Variants in C1QTNF9 observed in about 807,000 individuals in gnomAD.
C1QTNF9 encodes the protein complement C1q and tumor necrosis factor-related protein 9A.
A neutral mutation model predicts 10.1 loss-of-function variants in C1QTNF9; 6 were observed. The ratio of observed to expected loss-of-function variants is 0.59; its 90% CI spans 0.32 to 1.17. C1QTNF9 has a LOEUF of 1.17. Ranked by LOEUF, C1QTNF9 falls within the 50% of genes most tolerant of loss-of-function variation. The pLI, the probability that C1QTNF9 is intolerant of heterozygous loss-of-function variation, is 0.04. For synonymous variants in C1QTNF9, 98 were observed against 163.5 expected, an observed-to-expected ratio of 0.60 and a Z score of 3.06; for missense variants, 201 against 418.8, an observed-to-expected ratio of 0.48 and a Z score of 4.54.
chr13:24,319,454 G>C (rs1001358065), intron 3 of C1QTNF9, among the ~76,000 whole-genome samples: 3 of 152,112 alleles, frequency 2.0e-5, no homozygotes, highest in Non-Finnish European at 2.9e-5. Flanking sequence ...TGGGAGGATC[G>C]CTTGAGCCTG....
Position 24,318,579 on chromosome 13 carries a change from G to A in C1QTNF9, c.167-239G>A, listed in dbSNP as rs567115914. Among the ~76,000 whole-genome samples the A allele has an allele frequency of 2.6e-5, 4 of 152,214 alleles. No individual in the cohort carries two copies. In the South Asian group the frequency reaches 6.2e-4, roughly 24 times the overall value. The stretch of plus-strand genomic sequence containing the variant: ...CTGTGCGCTCTAGGCACGTCCTAGA[G>A]ATGGGCGCTTGGGAAGTCACTCAGT... On this transcript the variant is annotated intron_variant, in intron 2 of 3. Coordinates refer to ENST00000332018, the Ensembl canonical transcript of C1QTNF9.
chr13:24,309,283 TTATATATATA>T (rs72150411), upstream of C1QTNF9, among the ~76,000 whole-genome samples: 571 of 68,296 alleles, frequency 8.4e-3, 50 homozygotes, highest in African/African-American at 0.026. Flanking sequence ...ACTTAAAGTA[TTATATATATA>T]TATATATATA....
At chr13:24,316,739 G>A (rs1878054744) in intron 2 of C1QTNF9, among the ~76,000 whole-genome samples, 1 of 152,160 alleles carries the variant, frequency 6.6e-6, no homozygotes, top group South Asian at 2.1e-4. Flanking sequence ...CCAGGGTCTG[G>A]GGATCTGGGG....
At chr13:24,309,288 TATA>T (rs1877724151), upstream of C1QTNF9, among the ~76,000 whole-genome samples, 1 of 19,716 alleles carries the variant, frequency 5.1e-5, no homozygotes, top group African/African-American at 1.3e-4. Flanking sequence ...AAGTATTATA[TATA>T]TATATATATA....
chr13:24,308,591 TCGGCGCCGCCGAG>T (rs1330050665), upstream of C1QTNF9, among the ~76,000 whole-genome samples: 1 of 150,804 alleles, frequency 6.6e-6, no homozygotes, highest in Non-Finnish European at 1.5e-5. Flanking sequence ...GGAGAGGGAG[TCGGCGCCGCCGAG>T]CTGGGGCGAG....
intron 2 of C1QTNF9, among the ~76,000 whole-genome samples, chr13:24,317,477 T>C (rs1433912506): frequency 6.6e-6 from 1 of 152,140 alleles, no homozygotes; most frequent in Admixed American, 6.5e-5. Context: ...TCAAGTTTTA[T>C]ATACTTCTTA....
chr13:24,310,600 G>GA (rs71716156), intron 1 of C1QTNF9, among the ~76,000 whole-genome samples: 2 of 151,186 alleles, frequency 1.3e-5, no homozygotes, highest in African/African-American at 4.9e-5. Context: ...TACAGTGCAG[G>GA]AAAAAAATAA....
At chr13:24,307,265 C>T (rs549970818), upstream of C1QTNF9, 2 of 152,326 alleles carry the variant, frequency 1.3e-5, no homozygotes, top group South Asian at 4.1e-4. Flanking sequence ...AGGGCAACCT[C>T]GGAGGGCACC....
chr13:24,319,379 TAA>T (rs567768780), intron 3 of C1QTNF9, among the ~76,000 whole-genome samples: 3 of 148,962 alleles, frequency 2.0e-5, no homozygotes, highest in Non-Finnish European at 4.5e-5. Flanking sequence ...TCTATACAAA[TAA>T]AAAAAAAATT....
At position 24,318,978 on chromosome 13, in the gene C1QTNF9, T is replaced by C. The variant is rs1179411543; in HGVS notation, c.229+98T>C. The C allele has an allele frequency of 6.6e-6, 10 of 1,518,534 alleles. No individual in the cohort carries two copies. The Admixed American group carries it at 1.5e-4, about 23-fold the overall frequency. 94.1% of individuals were successfully genotyped at this position (1,518,534 alleles called of 1,614,324 possible). On this transcript the variant is annotated intron_variant, in intron 3 of 3. Transcript: ENST00000332018. ...CTCCATGCTGATTATAATCTTACAA[T>C]AAAGGCAACACAGTTCTTACTCTCC...
exon 2 of C1QTNF9, chr13:24,316,030 C>T (rs1324690605): frequency 1.2e-6 from 2 of 1,613,738 alleles, no homozygotes; most frequent in Non-Finnish European, 1.7e-6. Flanking sequence ...TTCTGCTTGC[C>T]ATTGAAATCT....
chr13:24,308,333 G>A (rs1166486368), upstream of C1QTNF9, among the ~76,000 whole-genome samples: 3 of 152,230 alleles, frequency 2.0e-5, no homozygotes, highest in African/African-American at 7.2e-5. Flanking sequence ...CGGTGCAGGG[G>A]TCAGAGACCA....
chr13:24,321,516 C>T lies in C1QTNF9; in HGVS notation c.750C>T (p.Tyr250=), dbSNP rs540041951. Residue 250 remains tyrosine, a synonymous_variant, in exon 4 of 4, where the codon TAC becomes TAT. Transcript: ENST00000332018. ...CGTGCCACATTGCTGGGGTCTATTA[C>T]TTCACCTACCACATCACTGTTTTCT... 7 of 1,613,470 alleles carry T rather than the reference C, an allele frequency of 4.3e-6. No homozygotes were observed. The South Asian group carries it at 6.6e-5, about 15-fold the overall frequency.
intron 1 of C1QTNF9, among the ~76,000 whole-genome samples, chr13:24,310,308 C>T (rs184582736): frequency 0.013 from 1,790 of 139,706 alleles, 8 homozygotes; most frequent in Non-Finnish European, 0.019. Context: ...AGCCTGCCAC[C>T]GCGCCTGGCT....
At chr13:24,311,365 T>C (rs1354151525) in intron 1 of C1QTNF9, among the ~76,000 whole-genome samples, 1 of 152,232 alleles carries the variant, frequency 6.6e-6, no homozygotes, top group Non-Finnish European at 1.5e-5. Context: ...TAAAAAACAT[T>C]AACTTCAAAG....
At chr13:24,315,958 T>G (rs1259112199) in intron 1 of C1QTNF9, 24 bp from the exon 2 acceptor site, 1 of 1,611,912 alleles carries the variant, frequency 6.2e-7, no homozygotes, top group Non-Finnish European at 8.5e-7. Flanking sequence ...ATTTCTCCTT[T>G]GGGTTTCTGT....
upstream of C1QTNF9, among the ~76,000 whole-genome samples, chr13:24,308,745 T>G (rs537749677): frequency 6.6e-6 from 1 of 151,040 alleles, no homozygotes; most frequent in East Asian, 2.0e-4. Context: ...CTCCTGCTCT[T>G]TGCGTGGCCT....
chr13:24,313,779 G>GC (rs1165779830), intron 1 of C1QTNF9, among the ~76,000 whole-genome samples: 1 of 152,188 alleles, frequency 6.6e-6, no homozygotes, highest in African/African-American at 2.4e-5. Flanking sequence ...TCCCATAACT[G>GC]CCCCCCATTC....
At chr13:24,312,821 A>G (rs556000873) in intron 1 of C1QTNF9, among the ~76,000 whole-genome samples, 21 of 151,980 alleles carry the variant, frequency 1.4e-4, no homozygotes, top group South Asian at 8.3e-4. Context: ...CGGGCATGGT[A>G]GTGGGTGCCT....
Sources: gnomAD v4.1 joint callset for allele counts (sites outside exome capture counted in the v4.1 genomes callset) on GRCh38, gnomAD v4.1.1 for gene constraint, MANE v1.5 for transcripts, NCBI Gene and HGNC (gene_info 2026-07-23, HGNC 2026-07-21) for gene names.